CA11: variants seen among roughly 807,000 people sequenced by gnomAD.
The protein encoded by CA11 is carbonic anhydrase 11 (inactive).
CA11 carries 20 observed loss-of-function variants against 39.3 expected under a neutral mutation model. The ratio of observed to expected loss-of-function variants is 0.51; its 90% CI spans 0.36 to 0.74. CA11 has a LOEUF of 0.74. Among genes scored for constraint, CA11 ranks in the 30% least tolerant of loss-of-function variants. CA11 has a pLI of 0.00. For missense variants in CA11, 336 were observed against 424.6 expected (o/e 0.79, Z 1.83); for synonymous variants, 166 against 172.5 (o/e 0.96, Z 0.29).
intron 8 of CA11, chr19:48,638,389 G>GGGT: frequency 6.3e-6 from 3 of 475,926 alleles, no homozygotes; most frequent in Non-Finnish European, 7.7e-6. Context: ...GGGGGGGGGT[G>GGGT]TGGACTGTAC....
At chr19:48,640,307 G>C (rs2031028678) in intron 3 of CA11, 27 bp from the exon 4 acceptor site, 2 of 1,595,494 alleles carry the variant, frequency 1.3e-6, no homozygotes, top group South Asian at 1.1e-5. Flanking sequence ...AGCTGTCAGG[G>C]GGCAGGGAGA....
intron 8 of CA11, chr19:48,638,460 G>T: frequency 2.4e-6 from 2 of 837,268 alleles, no homozygotes; most frequent in Non-Finnish European, 1.5e-6. Flanking sequence ...GGCAGAGGTG[G>T]AGGGAAGGGG....
intron 7 of CA11, 71 bp from the exon 8 acceptor site, chr19:48,639,124 C>A: frequency 6.3e-7 from 1 of 1,590,286 alleles, no homozygotes; most frequent in African/African-American, 1.3e-5. Context: ...GCAGGAAACC[C>A]CGCCCCTGGG....
At position 48,645,571 on chromosome 19, in the gene CA11, GC is replaced by G; in HGVS notation, c.61del (p.Ala21GlnfsTer35). On this transcript the variant is annotated frameshift_variant, in exon 1 of 9. Coordinates refer to ENST00000084798, the MANE Select transcript of CA11 (RefSeq NM_001217.5). LOFTEE classifies it high-confidence loss of function. ...RALVLWAALG[A>X]AAHIGPAPDP... ...CCGGGAACCCCAGGTCTTACCTGCT[GC>G]CCCCAGTGCAGCCCAGAGTACCAGC... The G allele has an allele frequency of 6.2e-7, 1 of 1,604,236 alleles. No homozygotes were observed. Among genetic ancestry groups the G allele is most frequent in the Non-Finnish European group, 8.5e-7 (1 of 1,175,562 alleles).
intron 2 of CA11, 64 bp downstream of exon 2, chr19:48,645,339 T>A: frequency 7.0e-7 from 1 of 1,429,646 alleles, no homozygotes; most frequent in Admixed American, 2.0e-5. Context: ...GGAACCCAGG[T>A]TCCTGAGTCT....
Position 48,638,124 on chromosome 19 carries a change from G to C in CA11, c.982C>G (p.Arg328Gly). 7.6e-7 allele frequency: 1 copy of C among 1,317,446 alleles called. No individual in the cohort carries two copies. Among genetic ancestry groups the C allele is most frequent in the Non-Finnish European group, 9.9e-7 (1 of 1,014,120 alleles). The allele number at this position is 1,317,446 out of a possible 1,614,324, so 81.6% of individuals were successfully genotyped here. A position where few individuals can be genotyped will look rare whatever the true frequency, so the allele number is the denominator to read the frequency against. The change falls in exon 9 of 9, where the codon CGC (arginine) becomes GGC (glycine). Residue 328 changes from arginine to glycine, a missense_variant. Transcript: ENST00000084798. Reference protein sequence around the residue: ...RLHVDGVPHGR With the variant: ...RLHVDGVPHGG ...GCAATCCTCGAAGGGGAGTCTCAGC[G>C]ACCATGGGGGACACCATCCACTGTA...
rs1430742288 is a variant in CA11 at position 48,639,808 on chromosome 19, T to C, written c.547A>G (p.Ile183Val). The C allele has an allele frequency of 6.2e-7, 1 of 1,614,082 alleles. No individual in the cohort carries two copies. The highest frequency in any genetic ancestry group is 1.7e-5 in the Admixed American group (1 of 60,018). Reference protein sequence around the residue: ...AASRGPNGLAILSLFVNVAST... With the variant: ...AASRGPNGLAVLSLFVNVAST... ...CTCACGTTGACAAAGAGGCTGAGAA[T>C]GGCCAGGCCATTGGGGCCGCGGGAG... The change falls in exon 5 of 9, where the codon ATT becomes GTT. Residue 183 changes from isoleucine to valine, a missense_variant. By Grantham distance (29) the Ile-to-Val change is conservative (BLOSUM62 3). Transcript: ENST00000084798.
chr19:48,638,155 GAGAAC>G lies in CA11; in HGVS notation c.962-16_962-12del, dbSNP rs2030902484. 7.7e-6 allele frequency: 7 copies of G among 910,856 alleles called. No homozygotes were observed. The highest frequency in any genetic ancestry group is 1.1e-5 in the Non-Finnish European group (7 of 654,620). The allele number at this position is 910,856 out of a possible 1,614,324, so 56.4% of individuals were successfully genotyped here. A position where few individuals can be genotyped will look rare whatever the true frequency, so the allele number is the denominator to read the frequency against. On this transcript the variant is annotated splice_polypyrimidine_tract_variant and intron_variant, in intron 8 of 8. Transcript: ENST00000084798. ...GGGGGACACCATCCACTGTAAGACA[GAGAAC>G]AACGGCAGGGGGCGTCAGTATAGGA...
At chr19:48,640,336 TC>T in intron 3 of CA11, 56 bp from the exon 4 acceptor site, 1 of 1,263,546 alleles carries the variant, frequency 7.9e-7, no homozygotes, top group Non-Finnish European at 1.1e-6. Context: ...ATCTCTCGTT[TC>T]CCACGCCTAC....
intron 3 of CA11, 129 bp downstream of exon 3, chr19:48,644,298 C>G: frequency 1.3e-6 from 1 of 746,348 alleles, no homozygotes; most frequent in Non-Finnish European, 2.1e-6. Flanking sequence ...GTGTAAGCAG[C>G]CTCCTCTCCA....
Position 48,639,302 on chromosome 19 carries a change from C to G in CA11, c.795+3G>C, listed in dbSNP as rs2030985015. On this transcript the variant is annotated splice_donor_region_variant and intron_variant, in intron 7 of 8. Coordinates refer to ENST00000084798, the MANE Select transcript of CA11 (RefSeq NM_001217.5). ...AGGAAGGGCGGTGCGGACAGAGGGT[C>G]ACCTGAAGGGAGGTGATATTGAGGG... The G allele has an allele frequency of 6.2e-7, 1 of 1,612,958 alleles. No individual in the cohort carries two copies. Among genetic ancestry groups the G allele is most frequent in the Non-Finnish European group, 8.5e-7 (1 of 1,179,718 alleles).
In CA11 at chr19:48,645,894, C is replaced by CCTG. The variant is rs1161608767; in HGVS notation, c.-265_-263dup. The CCTG allele has an allele frequency of 2.0e-6, 1 of 506,286 alleles. No individual in the cohort carries two copies. Among genetic ancestry groups the CCTG allele is most frequent in the East Asian group, 3.4e-5 (1 of 29,216 alleles). 31.4% of individuals were successfully genotyped at this position (506,286 alleles called of 1,614,324 possible). ...GGAACCCTCCAGTCTCCCTCTAGCT[C>CCTG]CTGATCTTCCTACTCCTCTCAGCCT... On this transcript the variant is annotated 5_prime_UTR_variant, in exon 1 of 9. Transcript: ENST00000084798.
chr19:48,641,021 C>T (rs559032291), intron 3 of CA11, among the ~76,000 whole-genome samples: 1 of 149,238 alleles, frequency 6.7e-6, no homozygotes, highest in Non-Finnish European at 1.5e-5. Context: ...ACTCTGCTGC[C>T]GAGGCTGGAG....
At chr19:48,641,011 A>C (rs1263941814) in intron 3 of CA11, among the ~76,000 whole-genome samples, 4 of 123,020 alleles carry the variant, frequency 3.3e-5, no homozygotes, top group Non-Finnish European at 3.4e-5. Context: ...ATAGAATCTC[A>C]CTCTGCTGCC....
At chr19:48,640,820 G>T (rs1033075000) in intron 3 of CA11, among the ~76,000 whole-genome samples, 74 of 151,588 alleles carry the variant, frequency 4.9e-4, no homozygotes, top group African/African-American at 1.7e-3. Flanking sequence ...GACTACAGGC[G>T]CCCGCCACCA....
chr19:48,645,712 C>G lies in CA11; in HGVS notation c.-80G>C. On this transcript the variant is annotated 5_prime_UTR_variant, in exon 1 of 9. Transcript: ENST00000084798. ...TCCTCTGTCCCCTCCTTCTGGGACC[C>G]TGTCCCTCCAGGACTTCCAGCTTTC... 1.7e-6 allele frequency: 2 copies of G among 1,202,374 alleles called. No individual in the cohort carries two copies. Among genetic ancestry groups the G allele is most frequent in the Non-Finnish European group, 2.2e-6 (2 of 890,418 alleles). 74.5% of individuals were successfully genotyped at this position (1,202,374 alleles called of 1,614,324 possible).
In CA11 at chr19:48,639,344, C is replaced by T. The variant is rs1402042632; in HGVS notation, c.756G>A (p.Trp252Ter). ...TATTGAGGGCCCGGTCAATGAGGATCCAGGTGACAGTCTCGGAGCAGGGCG... is the reference window on the plus strand; with the variant it reads ...TATTGAGGGCCCGGTCAATGAGGATTCAGGTGACAGTCTCGGAGCAGGGCG... ...STPPCSETVT[W>*]ILIDRALNIT... The change falls in exon 7 of 9, where the codon TGG becomes TGA. Residue 252 changes from tryptophan (W) to a stop codon, truncating the protein, a stop_gained. Coordinates refer to ENST00000084798, the MANE Select transcript of CA11 (RefSeq NM_001217.5). LOFTEE classifies it high-confidence loss of function. 2.5e-6 allele frequency: 4 copies of T among 1,613,630 alleles called. No individual in the cohort carries two copies. The highest frequency in any genetic ancestry group is 8.5e-7 in the Non-Finnish European group (1 of 1,179,922).
intron 8 of CA11, chr19:48,638,457 G>T: frequency 1.1e-6 from 1 of 882,132 alleles, no homozygotes; most frequent in Non-Finnish European, 1.4e-6. Flanking sequence ...GGAGGCAGAG[G>T]TGGAGGGAAG....
At chr19:48,641,591 A>G (rs905099137) in intron 3 of CA11, among the ~76,000 whole-genome samples, 9 of 152,130 alleles carry the variant, frequency 5.9e-5, no homozygotes, top group Non-Finnish European at 1.2e-4. Context: ...TGGGGAGCTC[A>G]GCTTAGATGG....
Sources: gnomAD v4.1 joint callset for allele counts (sites outside exome capture counted in the v4.1 genomes callset) on GRCh38, gnomAD v4.1.1 for gene constraint, MANE v1.5 for transcripts, NCBI Gene and HGNC (gene_info 2026-07-23, HGNC 2026-07-21) for gene names.